ULK4: variants seen among roughly 807,000 people sequenced by gnomAD.
ULK4 encodes inactive serine/threonine-protein kinase ULK4.
Under a neutral mutation model 160.6 loss-of-function variants are expected in ULK4, and 133 were observed. The observed-to-expected ratio is 0.83, with a 90% confidence interval of 0.72 to 0.96. The LOEUF is 0.96. ULK4 is among the 40% of genes least tolerant of loss of function. The probability of loss-of-function intolerance (pLI) is 0.00; values close to 1 mark genes in which losing one functional copy is unlikely to be tolerated. For missense variants in ULK4, 1,580 were observed against 1,499.5 expected, an observed-to-expected ratio of 1.05 and a Z score of -0.89; for synonymous variants, 534 against 539.8, an observed-to-expected ratio of 0.99 and a Z score of 0.15.
intron 31 of ULK4, among the ~76,000 whole-genome samples, chr3:41,572,628 T>C (rs945068912): frequency 3.0e-4 from 45 of 149,478 alleles, no homozygotes; most frequent in Admixed American, 3.3e-4. Context: ...TGGCCCGTCA[T>C]GGTGGCGGGT....
intron 23 of ULK4, among the ~76,000 whole-genome samples, chr3:41,717,375 C>T (rs2037304744): frequency 6.6e-6 from 1 of 151,828 alleles, no homozygotes; most frequent in Non-Finnish European, 1.5e-5. Flanking sequence ...AAATTCTTTT[C>T]TTCTGATTTA....
chr3:41,784,236 G>C (rs2039936561), intron 21 of ULK4, among the ~76,000 whole-genome samples: 1 of 151,910 alleles, frequency 6.6e-6, no homozygotes, highest in Non-Finnish European at 1.5e-5. Flanking sequence ...GGAGTTTGAG[G>C]CCAGGCTGAC....
intron 27 of ULK4, among the ~76,000 whole-genome samples, chr3:41,684,510 C>T (rs906493592): frequency 1.3e-5 from 2 of 152,084 alleles, no homozygotes; most frequent in African/African-American, 2.4e-5. Context: ...GTGGGAATTC[C>T]GAGGCTCATG....
intron 32 of ULK4, among the ~76,000 whole-genome samples, chr3:41,474,796 T>C (rs2084089420): frequency 7.0e-6 from 1 of 143,594 alleles, no homozygotes; most frequent in Non-Finnish European, 1.5e-5. Context: ...AGATATCACC[T>C]TACATCTGTC....
chr3:41,804,452 A>G (rs113522835), intron 19 of ULK4, among the ~76,000 whole-genome samples: 16,822 of 148,494 alleles, frequency 0.11, 1,067 homozygotes, highest in Middle Eastern at 0.24. Context: ...CTCTGATGGT[A>G]GTTTCTTTTG....
intron 19 of ULK4, among the ~76,000 whole-genome samples, chr3:41,800,688 T>C (rs1377366037): frequency 1.3e-5 from 2 of 152,100 alleles, no homozygotes; most frequent in African/African-American, 4.8e-5. Context: ...TCCTCAGAAG[T>C]CATTCAGTCC....
chr3:41,823,328 G>A (rs2041213180), intron 18 of ULK4, among the ~76,000 whole-genome samples: 1 of 152,232 alleles, frequency 6.6e-6, no homozygotes, highest in Admixed American at 6.5e-5. Flanking sequence ...TGAGTAGGAA[G>A]ATAGTGAGGA....
At chr3:41,701,434 A>C (rs1159836640) in intron 27 of ULK4, among the ~76,000 whole-genome samples, 3 of 152,210 alleles carry the variant, frequency 2.0e-5, no homozygotes, top group African/African-American at 4.8e-5. Flanking sequence ...GAATGAAATA[A>C]CATCTGGGCA....
intron 34 of ULK4, among the ~76,000 whole-genome samples, 166 bp from the exon 35 acceptor site, chr3:41,398,430 C>A (rs902882377): frequency 7.9e-5 from 12 of 151,480 alleles, no homozygotes; most frequent in Non-Finnish European, 1.3e-4. Context: ...GTTGCCCAGG[C>A]TGGAGTGCAG....
intron 19 of ULK4, among the ~76,000 whole-genome samples, chr3:41,801,314 A>AT (rs1471555913): frequency 6.6e-6 from 1 of 152,164 alleles, no homozygotes; most frequent in Non-Finnish European, 1.5e-5. Flanking sequence ...ACAGAAAGAA[A>AT]TAAGACTTGA....
rs1162617010 is a variant in ULK4 at position 41,828,241 on chromosome 3, G to A, written c.1764+7623C>T. On this transcript the variant is annotated intron_variant, in intron 18 of 36. Transcript: ENST00000301831. Reference sequence around the variant, plus strand: ...ACATTCCCTTTGAAAACTGGCACAAGACAGGGATGCCCTCTCTCACCACTC... The same window carrying A: ...ACATTCCCTTTGAAAACTGGCACAAAACAGGGATGCCCTCTCTCACCACTC... 2.1e-5 allele frequency among the ~76,000 whole-genome samples: 3 copies of A among 144,136 alleles called. No individual in the cohort carries two copies. The East Asian group carries it at 6.0e-4, about 29-fold the overall frequency. The allele number at this position is 144,136 out of a possible 152,430, so 94.6% of individuals were successfully genotyped here.
intron 23 of ULK4, among the ~76,000 whole-genome samples, chr3:41,716,551 T>C (rs1396670668): frequency 6.6e-6 from 1 of 152,146 alleles, no homozygotes; most frequent in African/African-American, 2.4e-5. Context: ...GCAAAAATAA[T>C]CTCCTAAAGC....
chr3:41,627,063 T>C (rs917806026), intron 30 of ULK4, among the ~76,000 whole-genome samples: 2 of 152,228 alleles, frequency 1.3e-5, no homozygotes, highest in Non-Finnish European at 2.9e-5. Flanking sequence ...TTGAGCTAAA[T>C]TTCACACCAT....
At chr3:41,251,662 C>T (rs1461892196) in intron 35 of ULK4, among the ~76,000 whole-genome samples, 1 of 152,182 alleles carries the variant, frequency 6.6e-6, no homozygotes, top group Non-Finnish European at 1.5e-5. Context: ...TCTCCATCCT[C>T]TTGTGTCCCA....
At chr3:41,787,757 T>C (rs1228839885) in intron 21 of ULK4, among the ~76,000 whole-genome samples, 1 of 152,244 alleles carries the variant, frequency 6.6e-6, no homozygotes. Context: ...ACTTTTTTAA[T>C]GTACCAATAC....
chr3:41,372,438 G>A (rs2081389250), intron 35 of ULK4, among the ~76,000 whole-genome samples: 1 of 152,332 alleles, frequency 6.6e-6, no homozygotes, highest in African/African-American at 2.4e-5. Flanking sequence ...CAGACTAACA[G>A]CAGATATCTC....
At position 41,920,394 on chromosome 3, in the gene ULK4, G is replaced by A. The variant is rs1485167820; in HGVS notation, c.542-576C>T. 3.9e-5 allele frequency among the ~76,000 whole-genome samples: 6 copies of A among 152,176 alleles called. No individual in the cohort carries two copies. In the East Asian group the frequency reaches 1.2e-3, roughly 29 times the overall value. ...GGATGCAATCCTACCATCTATCCAG[G>A]AGAATAGGAAATATTTAGTGAAAAG... On this transcript the variant is annotated intron_variant, in intron 5 of 36. Coordinates refer to ENST00000301831, the MANE Select transcript of ULK4 (RefSeq NM_017886.4).
chr3:41,275,429 G>C (rs1254579498), intron 35 of ULK4, among the ~76,000 whole-genome samples: 1 of 152,140 alleles, frequency 6.6e-6, no homozygotes, highest in Non-Finnish European at 1.5e-5. Flanking sequence ...AAACCATTAA[G>C]TACACAGAAA....
chr3:41,356,917 C>A (rs1338536296), intron 35 of ULK4, among the ~76,000 whole-genome samples: 1 of 152,122 alleles, frequency 6.6e-6, no homozygotes, highest in Non-Finnish European at 1.5e-5. Context: ...CTCCCCACAC[C>A]TGCACATGAA....
Sources: gnomAD v4.1 joint callset for allele counts (sites outside exome capture counted in the v4.1 genomes callset) on GRCh38, gnomAD v4.1.1 for gene constraint, MANE v1.5 for transcripts, NCBI Gene and HGNC (gene_info 2026-07-23, HGNC 2026-07-21) for gene names.